Variants in TMEM132D observed in about 807,000 individuals in gnomAD.
TMEM132D encodes the protein transmembrane protein 132D, also known as mature OL transmembrane protein.
TMEM132D carries 21 observed loss-of-function variants against 62.3 expected under a neutral mutation model. That is an observed-to-expected ratio of 0.34 (90% CI 0.24 to 0.49). The LOEUF (loss-of-function observed/expected upper bound fraction) is 0.49. Among genes scored for constraint, TMEM132D ranks in the 20% least tolerant of loss-of-function variants. The pLI, the probability that TMEM132D is intolerant of heterozygous loss-of-function variation, is 0.99. For synonymous variants in TMEM132D, 621 were observed against 575.6 expected (o/e 1.08, Z -1.13); for missense variants, 1,346 against 1,402.8 (o/e 0.96, Z 0.65).
At chr12:129,667,179 A>C (rs1880397382) in intron 2 of TMEM132D, among the ~76,000 whole-genome samples, 1 of 152,212 alleles carries the variant, frequency 6.6e-6, no homozygotes, top group Non-Finnish European at 1.5e-5. Flanking sequence ...AAAATTGTAA[A>C]GGGTTCTAAA....
intron 2 of TMEM132D, among the ~76,000 whole-genome samples, chr12:129,695,615 C>A (rs1414869504): frequency 6.6e-6 from 1 of 152,256 alleles, no homozygotes; most frequent in Non-Finnish European, 1.5e-5. Flanking sequence ...GAAAATGCCT[C>A]ATCTCATGGG....
intron 1 of TMEM132D, among the ~76,000 whole-genome samples, chr12:129,898,867 A>G (rs1875237739): frequency 6.6e-6 from 1 of 152,218 alleles, no homozygotes; most frequent in Admixed American, 6.5e-5. Context: ...TGAAATAGGA[A>G]AGGAGAGGGA....
At chr12:129,830,392 T>C (rs913939575) in intron 1 of TMEM132D, among the ~76,000 whole-genome samples, 3 of 152,276 alleles carry the variant, frequency 2.0e-5, no homozygotes, top group Admixed American at 2.0e-4. Flanking sequence ...AGGACAAACC[T>C]GCCTCTCATT....
In TMEM132D at chr12:129,867,519, C is replaced by T. The variant is rs974828253; in HGVS notation, c.79+35742G>A. Reference sequence around the variant, plus strand: ...TGCCAGATGAGCAAGTTCTAGAGTTCGAATGAACCGCAGAAGGACTAAAAT... The same window carrying T: ...TGCCAGATGAGCAAGTTCTAGAGTTTGAATGAACCGCAGAAGGACTAAAAT... On this transcript the variant is annotated intron_variant, in intron 1 of 8. Coordinates refer to ENST00000422113, the MANE Select transcript of TMEM132D (RefSeq NM_133448.3). This position sits in a 1 kb window ranked among gnomAD's most constrained non-coding sequence, Gnocchi z 4.5. Among the ~76,000 whole-genome samples the T allele has an allele frequency of 6.6e-5, 10 of 152,098 alleles. No individual in the cohort carries two copies. Among genetic ancestry groups the T allele is most frequent in the Admixed American group, 3.9e-4 (6 of 15,270 alleles).
intron 3 of TMEM132D, among the ~76,000 whole-genome samples, chr12:129,400,863 A>G (rs140990506): frequency 1.5e-3 from 234 of 152,354 alleles, no homozygotes; most frequent in African/African-American, 5.1e-3. Context: ...TGTGAGTCAT[A>G]TCACGTTGGT....
intron 4 of TMEM132D, among the ~76,000 whole-genome samples, chr12:129,216,059 A>G (rs536633272): frequency 1.3e-5 from 2 of 152,328 alleles, no homozygotes; most frequent in South Asian, 4.1e-4. Flanking sequence ...CAGCCAAACC[A>G]TATCAGACTG....
intron 5 of TMEM132D, among the ~76,000 whole-genome samples, chr12:129,092,481 G>A (rs1253345663): frequency 2.6e-5 from 4 of 151,918 alleles, no homozygotes; most frequent in Admixed American, 1.3e-4. Flanking sequence ...GATCACCTGA[G>A]GTCAGGAGTT....
intron 3 of TMEM132D, among the ~76,000 whole-genome samples, chr12:129,502,416 G>A: frequency 6.6e-6 from 1 of 152,144 alleles, no homozygotes; most frequent in East Asian, 1.9e-4. Context: ...AGTCAGAACT[G>A]CAGCATGCTG....
chr12:129,744,257 T>A (rs968380486), intron 1 of TMEM132D, among the ~76,000 whole-genome samples: 3 of 152,242 alleles, frequency 2.0e-5, no homozygotes, highest in African/African-American at 4.8e-5. Flanking sequence ...AATGTTCAAC[T>A]GCTTACTATT....
intron 2 of TMEM132D, among the ~76,000 whole-genome samples, chr12:129,555,172 G>A (rs1877020371): frequency 6.6e-6 from 1 of 152,314 alleles, no homozygotes; most frequent in South Asian, 2.1e-4. Flanking sequence ...TGATTGCACA[G>A]AATTTAGTCT....
intron 5 of TMEM132D, among the ~76,000 whole-genome samples, chr12:129,207,147 AC>A (rs940153730): frequency 6.6e-6 from 1 of 151,724 alleles, no homozygotes; most frequent in Non-Finnish European, 1.5e-5. Context: ...CAAACAAAAA[AC>A]CCCCCACTAC....
At chr12:129,150,494 A>T (rs1877041371) in intron 5 of TMEM132D, among the ~76,000 whole-genome samples, 1 of 152,248 alleles carries the variant, frequency 6.6e-6, no homozygotes. Flanking sequence ...TATTTCATGT[A>T]GTCTTCAGAA....
At chr12:129,530,821 A>C (rs1353292039) in intron 3 of TMEM132D, among the ~76,000 whole-genome samples, 1 of 152,150 alleles carries the variant, frequency 6.6e-6, no homozygotes, top group Non-Finnish European at 1.5e-5. Flanking sequence ...TGCATGGTGC[A>C]GTCCTTGCAG....
chr12:129,114,890 G>C (rs547786945), intron 5 of TMEM132D, among the ~76,000 whole-genome samples: 1 of 152,138 alleles, frequency 6.6e-6, no homozygotes, highest in Non-Finnish European at 1.5e-5. Context: ...ATTCCATTGC[G>C]TGAATATACC....
chr12:129,487,912 G>A (rs1874636581), intron 3 of TMEM132D, among the ~76,000 whole-genome samples: 1 of 133,536 alleles, frequency 7.5e-6, no homozygotes, highest in Non-Finnish European at 1.5e-5. Flanking sequence ...ACTCCAACCT[G>A]GGCAACAGAG....
At chr12:129,803,746 A>C (rs1355209468) in intron 1 of TMEM132D, among the ~76,000 whole-genome samples, 4 of 151,928 alleles carry the variant, frequency 2.6e-5, no homozygotes, top group Admixed American at 2.0e-4. Flanking sequence ...TTAATGAATC[A>C]AGGAGCTGGT....
chr12:129,256,074 G>A (rs979450727), intron 4 of TMEM132D, among the ~76,000 whole-genome samples: 1 of 152,184 alleles, frequency 6.6e-6, no homozygotes. Context: ...GGCTTGACTT[G>A]TACTACTGAT....
At chr12:129,710,389 G>A (rs189312408) in intron 1 of TMEM132D, among the ~76,000 whole-genome samples, 110 of 152,178 alleles carry the variant, frequency 7.2e-4, no homozygotes, top group Non-Finnish European at 1.4e-3. Flanking sequence ...TCCACCTCCC[G>A]TGTTCAAGTG....
At chr12:129,228,035 C>T (rs192756271) in intron 4 of TMEM132D, among the ~76,000 whole-genome samples, 1 of 152,306 alleles carries the variant, frequency 6.6e-6, no homozygotes, top group African/African-American at 2.4e-5. Flanking sequence ...ACGCTGTGTA[C>T]AAGATGATGA....
Sources: gnomAD v4.1 joint callset for allele counts (sites outside exome capture counted in the v4.1 genomes callset) on GRCh38, gnomAD v4.1.1 for gene constraint, Gnocchi (gnomAD v3.1) non-coding constraint, MANE v1.5 for transcripts, NCBI Gene and HGNC (gene_info 2026-07-23, HGNC 2026-07-21) for gene names.